The following NFIA variants were observed in gnomAD, a reference collection of about 807,000 sequenced individuals.
The protein encoded by NFIA is nuclear factor I A, also known as nuclear factor 1 A-type.
In NFIA, 8 loss-of-function variants were observed where a neutral mutation model predicts 62.8. The ratio of observed to expected loss-of-function variants is 0.13; its 90% CI spans 0.07 to 0.23. NFIA has a LOEUF of 0.23. NFIA is among the 10% of genes least tolerant of loss of function. The pLI is 1.00. For missense variants in NFIA, 410 were observed against 642.1 expected (o/e 0.64, Z 3.91); for synonymous variants, 235 against 238.1 (o/e 0.99, Z 0.12).
At chr1:61,096,639 G>T (rs1646421053) in intron 2 of NFIA, among the ~76,000 whole-genome samples, 1 of 137,648 alleles carries the variant, frequency 7.3e-6, no homozygotes, top group African/African-American at 2.8e-5. Context: ...TGCAACCTCT[G>T]CCTCCTGGGT....
At chr1:61,177,654 TGTG>T (rs1385291882) in intron 2 of NFIA, among the ~76,000 whole-genome samples, 7 of 64,336 alleles carry the variant, frequency 1.1e-4, no homozygotes, top group South Asian at 5.9e-4. Context: ...TTTTCTCTAT[TGTG>T]TGTGTGTGTG....
chr1:61,185,804 C>T (rs1278051878), intron 2 of NFIA, among the ~76,000 whole-genome samples: 1 of 151,978 alleles, frequency 6.6e-6, no homozygotes, highest in Non-Finnish European at 1.5e-5. Context: ...TCTTTCAGTT[C>T]GAATAATAGC....
chr1:61,109,291 G>A, intron 2 of NFIA, among the ~76,000 whole-genome samples: 1 of 151,814 alleles, frequency 6.6e-6, no homozygotes, highest in East Asian at 1.9e-4. Context: ...GTTGATTAAT[G>A]TACGAGAAGT....
chr1:61,376,637 T>TA (rs745433196), intron 6 of NFIA, among the ~76,000 whole-genome samples: 19 of 152,200 alleles, frequency 1.2e-4, no homozygotes, highest in Non-Finnish European at 2.5e-4. Context: ...TTGTATCTGA[T>TA]ATACCCTTCC....
chr1:61,350,262 G>T (rs1175165659), intron 4 of NFIA, among the ~76,000 whole-genome samples: 1 of 152,156 alleles, frequency 6.6e-6, no homozygotes, highest in Non-Finnish European at 1.5e-5. Flanking sequence ...AGTTATAGTG[G>T]GGTGAGGTAG....
At chr1:61,261,773 T>C (rs765470584) in intron 2 of NFIA, among the ~76,000 whole-genome samples, 23 of 152,212 alleles carry the variant, frequency 1.5e-4, no homozygotes, top group Non-Finnish European at 2.9e-4. Context: ...AGGTTATTTT[T>C]CTTATTACAA....
intron 2 of NFIA, among the ~76,000 whole-genome samples, chr1:61,166,998 G>A (rs572407500): frequency 1.1e-4 from 16 of 152,174 alleles, no homozygotes; most frequent in East Asian, 7.8e-4. Context: ...AAAATTAGCC[G>A]GGCGAGGTGG....
Position 61,433,566 on chromosome 1 carries a change from A to C in NFIA, c.1512+7010A>C, listed in dbSNP as rs151252419. ...TATATATACTCACACACACACACACACCCTTATGGTTTTGGGTCTTAAATT... is the reference window on the plus strand; with the variant it reads ...TATATATACTCACACACACACACACCCCCTTATGGTTTTGGGTCTTAAATT... On this transcript the variant is annotated intron_variant, in intron 10 of 10. Coordinates refer to ENST00000403491, the MANE Select transcript of NFIA (RefSeq NM_001134673.4). Among the ~76,000 whole-genome samples the C allele has an allele frequency of 8.1e-3, 1,234 of 152,052 alleles. 17 individuals are homozygous for C. The highest frequency in any genetic ancestry group is 0.041 in the East Asian group (211 of 5,162).
At position 61,358,786 on chromosome 1, in the gene NFIA, C is replaced by T. The variant is rs547600790; in HGVS notation, c.819-361C>T. On this transcript the variant is annotated intron_variant, in intron 5 of 10. Coordinates refer to ENST00000403491, the MANE Select transcript of NFIA (RefSeq NM_001134673.4). ...GATGCCCAGGTTCATTGCTGATGGC[C>T]AGGCCCCAGCCACCACCTGTGGAGA... 3.9e-5 allele frequency among the ~76,000 whole-genome samples: 6 copies of T among 152,274 alleles called. No homozygotes were observed. The South Asian group carries it at 1.2e-3, about 32-fold the overall frequency.
chr1:61,161,691 TGAG>T (rs1434584565), intron 2 of NFIA, among the ~76,000 whole-genome samples: 1 of 152,108 alleles, frequency 6.6e-6, no homozygotes, highest in Non-Finnish European at 1.5e-5. Flanking sequence ...TGTCACAAGT[TGAG>T]GAGCATGTGT....
chr1:61,338,509 C>G (rs12745353), intron 4 of NFIA, among the ~76,000 whole-genome samples: 13,946 of 152,270 alleles, frequency 0.092, 798 homozygotes, highest in Middle Eastern at 0.16. Context: ...TTTGAAGTCT[C>G]TGGGTCCTTG....
At chr1:61,411,675 A>G (rs950262919) in intron 9 of NFIA, among the ~76,000 whole-genome samples, 5 of 152,016 alleles carry the variant, frequency 3.3e-5, no homozygotes, top group African/African-American at 9.7e-5. Context: ...AAAGGTACGT[A>G]GGATATAAGA....
intron 10 of NFIA, among the ~76,000 whole-genome samples, chr1:61,436,180 T>C (rs1352541197): frequency 6.6e-6 from 1 of 152,142 alleles, no homozygotes; most frequent in Non-Finnish European, 1.5e-5. Context: ...CTGGGTGCCC[T>C]CCAGAGTGCT....
chr1:61,321,455 G>A (rs1381421001), intron 3 of NFIA, among the ~76,000 whole-genome samples: 2 of 151,796 alleles, frequency 1.3e-5, no homozygotes, highest in African/African-American at 2.4e-5. Flanking sequence ...AAGGAAGGAA[G>A]GAAGGAAGGA....
intron 6 of NFIA, among the ~76,000 whole-genome samples, chr1:61,362,151 A>G (rs1042963817): frequency 6.6e-6 from 1 of 152,086 alleles, no homozygotes; most frequent in East Asian, 1.9e-4. Flanking sequence ...ATTTTCCATA[A>G]AGCCCAATCC....
At chr1:61,077,695 A>G (rs2100394763), upstream of NFIA, 2 of 1,285,054 alleles carry the variant, frequency 1.6e-6, no homozygotes, top group Non-Finnish European at 2.1e-6. Flanking sequence ...ACAATGGTAG[A>G]ATGATTTTGT....
At chr1:61,079,162 A>C (rs1380670763), upstream of NFIA, among the ~76,000 whole-genome samples, 2 of 152,222 alleles carry the variant, frequency 1.3e-5, no homozygotes, top group African/African-American at 4.8e-5. Context: ...CACATAAGAA[A>C]AATCTGCACA....
intron 2 of NFIA, among the ~76,000 whole-genome samples, chr1:61,263,943 T>C (rs1429053571): frequency 6.6e-6 from 1 of 151,456 alleles, no homozygotes; most frequent in Non-Finnish European, 1.5e-5. Flanking sequence ...TGAGCAGAGA[T>C]CACACCACTG....
rs1264476947 is a variant in NFIA, at chr1:61,120,199, T to G, written c.559+31519T>G. Among the ~76,000 whole-genome samples the G allele has an allele frequency of 2.6e-5, 4 of 152,250 alleles. No individual in the cohort carries two copies. The East Asian group carries it at 7.7e-4, about 29-fold the overall frequency. ...TTGTAATTATGTGAGATGACAAGAT[T>G]GAATTAACTTAATTGTAGAGTTTTA... is the stretch of plus-strand genomic sequence containing the variant. On this transcript the variant is annotated intron_variant, in intron 2 of 10. Transcript: ENST00000403491.
Sources: gnomAD v4.1 joint callset for allele counts (sites outside exome capture counted in the v4.1 genomes callset) on GRCh38, gnomAD v4.1.1 for gene constraint, MANE v1.5 for transcripts, NCBI Gene and HGNC (gene_info 2026-07-23, HGNC 2026-07-21) for gene names.